CACNA1G: variants seen among roughly 807,000 people sequenced by gnomAD.
The protein encoded by CACNA1G is calcium voltage-gated channel subunit alpha1 G.
In CACNA1G, 67 loss-of-function variants were observed where a neutral mutation model predicts 219.4. The ratio of observed to expected loss-of-function variants is 0.31; its 90% CI spans 0.25 to 0.37. The LOEUF (loss-of-function observed/expected upper bound fraction) is 0.37. Among genes scored for constraint, CACNA1G ranks in the 10% least tolerant of loss-of-function variants. The pLI, the probability that CACNA1G is intolerant of heterozygous loss-of-function variation, is 1.00. For missense variants in CACNA1G, 2,380 were observed against 3,231.4 expected (o/e 0.74, Z 6.39); for synonymous variants, 1,296 against 1,345.3 (o/e 0.96, Z 0.80).
chr17:50,584,457 G>C (rs2042604441), intron 9 of CACNA1G, among the ~76,000 whole-genome samples: 1 of 152,066 alleles, frequency 6.6e-6, no homozygotes, highest in Non-Finnish European at 1.5e-5. Flanking sequence ...CCTGGACAGA[G>C]CTGGAGCTGT....
chr17:50,564,464 T>G (rs921190707), intron 1 of CACNA1G, among the ~76,000 whole-genome samples: 13 of 42,512 alleles, frequency 3.1e-4, no homozygotes, highest in Non-Finnish European at 4.0e-4. Context: ...AGAGGGGGAG[T>G]GGGAGGGGGG....
chr17:50,577,994 A>G (rs943687446), intron 8 of CACNA1G, among the ~76,000 whole-genome samples, 194 bp from the exon 9 acceptor site: 1 of 152,140 alleles, frequency 6.6e-6, no homozygotes, highest in Non-Finnish European at 1.5e-5. Flanking sequence ...ATGAAGTGCT[A>G]TTGACATTAG....
chr17:50,591,380 A>C, intron 10 of CACNA1G, 55 bp from the exon 11 acceptor site: 2 of 1,441,946 alleles, frequency 1.4e-6, no homozygotes, highest in Non-Finnish European at 1.8e-6. Flanking sequence ...TCTCCGAGGG[A>C]GTAGGGGGAG....
rs1326523232 is a variant in CACNA1G, at chr17:50,589,912, C to CTCTCTCTCTCTG, written c.2302-558_2302-557insCTCTCTCTCTGT. ...TGCATTTTTCTCTCTCTCTCTCTCT[C>CTCTCTCTCTCTG]TGTGTGTGTGTGTGTGTGTGTGTGT... On this transcript the variant is annotated intron_variant, in intron 9 of 37. Coordinates refer to ENST00000359106, the MANE Select transcript of CACNA1G (RefSeq NM_018896.5). 9.4e-3 allele frequency among the ~76,000 whole-genome samples: 1,331 copies of CTCTCTCTCTCTG among 141,842 alleles called. 14 individuals are homozygous for CTCTCTCTCTCTG. Among genetic ancestry groups the CTCTCTCTCTCTG allele is most frequent in the African/African-American group, 0.036 (1,269 of 35,184 alleles). 93.1% of individuals were successfully genotyped at this position (141,842 alleles called of 152,430 possible).
intron 1 of CACNA1G, among the ~76,000 whole-genome samples, chr17:50,566,503 T>C (rs1219541770): frequency 6.6e-6 from 1 of 152,164 alleles, no homozygotes; most frequent in Non-Finnish European, 1.5e-5. Context: ...TGCATGAGGT[T>C]ATTCGGGGGC....
Position 50,592,035 on chromosome 17 carries a change from C to T in CACNA1G, c.2853C>T (p.Gly951=). The change falls in exon 13 of 38, where the codon GGC becomes GGT. Residue 951 remains glycine (G), a synonymous_variant. Coordinates refer to ENST00000359106, the MANE Select transcript of CACNA1G (RefSeq NM_018896.5). ...ATTTCATTGCCCTCATGACCTTCGG[C>T]AACTACGTGCTCTTCAATTTGCTGG... ...ALYFIALMTF[G]NYVLFNLLVA... 1 of 1,613,984 alleles carries T rather than the reference C, an allele frequency of 6.2e-7. No homozygotes were observed. The highest frequency in any genetic ancestry group is 1.3e-5 in the African/African-American group (1 of 75,048).
intron 9 of CACNA1G, among the ~76,000 whole-genome samples, chr17:50,579,596 G>A (rs914635161): frequency 1.3e-5 from 2 of 152,134 alleles, no homozygotes; most frequent in Non-Finnish European, 2.9e-5. Flanking sequence ...TAGCAAGCAG[G>A]TGCTGCAGTT....
chr17:50,626,003 C>G lies in CACNA1G; in HGVS notation c.6400-14C>G. On this transcript the variant is annotated splice_polypyrimidine_tract_variant and intron_variant, in intron 37 of 37. Coordinates refer to ENST00000359106, the MANE Select transcript of CACNA1G (RefSeq NM_018896.5). This position sits in a 1 kb window ranked among gnomAD's most constrained non-coding sequence, Gnocchi z 4.3. ...AGGAGACTGCTGGGCTGAGCCCTCC[C>G]CCACCCCATATAGGCAGCAATAAGG... The G allele has an allele frequency of 6.3e-7, 1 of 1,589,904 alleles. No individual in the cohort carries two copies. Among genetic ancestry groups the G allele is most frequent in the Non-Finnish European group, 8.6e-7 (1 of 1,164,310 alleles).
intron 22 of CACNA1G, among the ~76,000 whole-genome samples, chr17:50,604,497 C>CAGAGAGG (rs1182523570): frequency 6.6e-6 from 1 of 152,234 alleles, no homozygotes; most frequent in African/African-American, 2.4e-5. Flanking sequence ...ACCGGGGCTG[C>CAGAGAGG]CGAGAGGCTT....
At position 50,568,949 on chromosome 17, in the gene CACNA1G, G is replaced by A. The variant is rs750305086; in HGVS notation, c.322G>A (p.Ala108Thr). 54 of 1,612,528 alleles carry A rather than the reference G, an allele frequency of 3.3e-5. No homozygotes were observed. In the Middle Eastern group the frequency reaches 4.9e-4, roughly 15 times the overall value. The change falls in exon 2 of 38, where the codon GCC (alanine) becomes ACC (threonine). Residue 108 changes from alanine to threonine, a missense_variant. Ala to Thr is a moderately conservative substitution (Grantham distance 58, BLOSUM62 0). Around this residue, in one of 17 missense-constraint regions of CACNA1G, gnomAD observed 64 missense variants for 103.7 expected, o/e 0.62. Transcript: ENST00000359106. ...LGMFRPCEDI[A>T]CDSQRCRILQ... ...CATGTTCCGGCCATGCGAGGACATC[G>A]CCTGTGACTCCCAGCGCTGCCGGAT...
At chr17:50,619,131 C>G (rs543713409) in intron 33 of CACNA1G, 123 bp downstream of exon 33, 171 of 745,660 alleles carry the variant, frequency 2.3e-4, no homozygotes, top group Middle Eastern at 7.8e-4. Flanking sequence ...CTCCCGCCCT[C>G]CGTCCTGGAT....
In CACNA1G at chr17:50,617,700, G is replaced by A; in HGVS notation, c.5155+129G>A. ...CCCATGGGTCTTTCTCCCAGCTTCT[G>A]CCAAGGGAGGCTGGAGACAGGGCTG... On this transcript the variant is annotated intron_variant, in intron 29 of 37. Coordinates refer to ENST00000359106, the MANE Select transcript of CACNA1G (RefSeq NM_018896.5). The surrounding 1 kb of genome is among the most constrained non-coding windows in gnomAD (Gnocchi z 5.8). 1 of 1,436,084 alleles carries A rather than the reference G, an allele frequency of 7.0e-7. No individual in the cohort carries two copies. Among genetic ancestry groups the A allele is most frequent in the Non-Finnish European group, 9.5e-7 (1 of 1,056,238 alleles). 89.0% of individuals were successfully genotyped at this position (1,436,084 alleles called of 1,614,324 possible).
At chr17:50,566,574 G>A (rs2037932408) in intron 1 of CACNA1G, among the ~76,000 whole-genome samples, 1 of 152,182 alleles carries the variant, frequency 6.6e-6, no homozygotes, top group South Asian at 2.1e-4. Flanking sequence ...AGAAAGAGGG[G>A]CAACTCCTCT....
Position 50,621,837 on chromosome 17 carries a change from C to T in CACNA1G, c.6060+43C>T. On this transcript the variant is annotated intron_variant, in intron 35 of 37. Transcript: ENST00000359106. This position sits in a 1 kb window ranked among gnomAD's most constrained non-coding sequence, Gnocchi z 4.6. Reference sequence around the variant, plus strand: ...TCACTGCTCCCGGCCACCCCCGGGGCTGGACTGGCTGCAGGGCTCCAGATC... The same window carrying T: ...TCACTGCTCCCGGCCACCCCCGGGGTTGGACTGGCTGCAGGGCTCCAGATC... The T allele has an allele frequency of 6.2e-7, 1 of 1,607,158 alleles. No individual in the cohort carries two copies. Among genetic ancestry groups the T allele is most frequent in the Non-Finnish European group, 8.5e-7 (1 of 1,177,776 alleles).
In CACNA1G at chr17:50,591,857, C is replaced by A; in HGVS notation, c.2754+4C>A. 2 of 1,613,706 alleles carry A rather than the reference C, an allele frequency of 1.2e-6. No homozygotes were observed. Among genetic ancestry groups the A allele is most frequent in the Non-Finnish European group, 1.7e-6 (2 of 1,179,654 alleles). ...GGCCATCGTCACTGTCTTTCAGGTG[C>A]GAGGGTAACAGGGCAGGGCGTGGAC... is the stretch of plus-strand genomic sequence containing the variant. On this transcript the variant is annotated splice_donor_region_variant and intron_variant, in intron 12 of 37. Transcript: ENST00000359106.
intron 1 of CACNA1G, among the ~76,000 whole-genome samples, chr17:50,562,871 C>G (rs1400155834): frequency 3.3e-5 from 5 of 152,088 alleles, no homozygotes; most frequent in Non-Finnish European, 7.4e-5. Context: ...CAGTCAGACC[C>G]TAGCTCAAAG....
chr17:50,616,125 A>G lies in CACNA1G; in HGVS notation c.4912-150A>G, dbSNP rs2050543160. On this transcript the variant is annotated intron_variant, in intron 27 of 37. Transcript: ENST00000359106. ...TACTCCCTTCTGGGGTTTGGTGGCT[A>G]ATGGCCAGCCATCATGATGGGAACA... 16 of 569,378 alleles carry G rather than the reference A, an allele frequency of 2.8e-5. No individual in the cohort carries two copies. In the South Asian group the frequency reaches 3.9e-4, roughly 14 times the overall value. 35.3% of individuals were successfully genotyped at this position (569,378 alleles called of 1,614,324 possible).
chr17:50,565,965 A>G (rs1014511713), intron 1 of CACNA1G, among the ~76,000 whole-genome samples: 40 of 152,158 alleles, frequency 2.6e-4, no homozygotes, highest in African/African-American at 9.7e-4. Context: ...CAGCCCGGAC[A>G]GTCACCATAG....
intron 1 of CACNA1G, among the ~76,000 whole-genome samples, chr17:50,562,872 T>C (rs2036295426): frequency 6.6e-6 from 1 of 152,086 alleles, no homozygotes; most frequent in Non-Finnish European, 1.5e-5. Context: ...AGTCAGACCC[T>C]AGCTCAAAGC....
Sources: gnomAD v4.1 joint callset for allele counts (sites outside exome capture counted in the v4.1 genomes callset) on GRCh38, gnomAD v4.1.1 for gene constraint, gnomAD v4.1.1 regional missense constraint, Gnocchi (gnomAD v3.1) non-coding constraint, MANE v1.5 for transcripts, NCBI Gene and HGNC (gene_info 2026-07-23, HGNC 2026-07-21) for gene names.